The following LOXHD1 variants were observed in gnomAD, a reference collection of about 807,000 sequenced individuals.
LOXHD1 encodes the protein lipoxygenase homology PLAT domains 1, also known as lipoxygenase homology domain-containing protein 1.
Under a neutral mutation model 248.2 loss-of-function variants are expected in LOXHD1, and 205 were observed. The ratio of observed to expected loss-of-function variants is 0.83; its 90% confidence interval spans 0.74 to 0.93. The LOEUF is 0.93. Among genes scored for constraint, LOXHD1 ranks in the 40% least tolerant of loss-of-function variants. The pLI, the probability that LOXHD1 is intolerant of heterozygous loss-of-function variation, is 0.00. For missense variants in LOXHD1, 2,930 were observed against 2,971.6 expected (o/e 0.99, Z 0.33); for synonymous variants, 1,113 against 1,162.8 (o/e 0.96, Z 0.87).
At chr18:46,542,959 C>A in intron 23 of LOXHD1, 104 bp from the exon 24 acceptor site, 1 of 1,472,568 alleles carries the variant, frequency 6.8e-7, no homozygotes, top group South Asian at 1.3e-5. Flanking sequence ...AATTTCTGAA[C>A]TTCCACCAAA....
chr18:46,580,038 A>T (rs1459128167), intron 12 of LOXHD1, among the ~76,000 whole-genome samples: 2 of 152,246 alleles, frequency 1.3e-5, no homozygotes, highest in African/African-American at 4.8e-5. Flanking sequence ...ATCAAATGAG[A>T]CAGACCAGAG....
At chr18:46,613,821 A>G (rs962201715) in intron 5 of LOXHD1, among the ~76,000 whole-genome samples, 19 of 152,230 alleles carry the variant, frequency 1.2e-4, no homozygotes, top group African/African-American at 4.3e-4. Flanking sequence ...TTACTATAAT[A>G]AATTATACAA....
rs1439378227 is a variant in LOXHD1 at position 46,577,878 on chromosome 18, GA to G, written c.1810-12del. 3 of 1,551,314 alleles carry G rather than the reference GA, an allele frequency of 1.9e-6. No individual in the cohort carries two copies. Among genetic ancestry groups the G allele is most frequent in the African/African-American group, 1.4e-5 (1 of 73,082 alleles). On this transcript the variant is annotated splice_polypyrimidine_tract_variant and intron_variant, in intron 13 of 40. Coordinates refer to ENST00000642948, the MANE Select transcript of LOXHD1 (RefSeq NM_001384474.1). Reference sequence around the variant, plus strand: ...AGTGAACTCGTCAGCCTTGTGGGGGGAAACCACAAGGCCAGTTAGACAGTGG... The same window carrying G: ...AGTGAACTCGTCAGCCTTGTGGGGGGAACCACAAGGCCAGTTAGACAGTGG...
intron 4 of LOXHD1, among the ~76,000 whole-genome samples, chr18:46,634,635 C>T (rs760007693): frequency 1.4e-4 from 22 of 152,030 alleles, no homozygotes; most frequent in Non-Finnish European, 2.8e-4. Flanking sequence ...TAGGCCTATG[C>T]AAGCATTCCA....
chr18:46,585,620 C>T (rs976697736), intron 12 of LOXHD1, among the ~76,000 whole-genome samples: 3 of 152,162 alleles, frequency 2.0e-5, no homozygotes, highest in African/African-American at 7.2e-5. Flanking sequence ...ACTCCCCAAA[C>T]TGGTCTATAG....
At chr18:46,583,657 G>A (rs1477349243) in intron 12 of LOXHD1, among the ~76,000 whole-genome samples, 1 of 152,040 alleles carries the variant, frequency 6.6e-6, no homozygotes, top group Admixed American at 6.6e-5. Flanking sequence ...TCTTGCTCTA[G>A]TTAGAATGGC....
chr18:46,572,063 A>T (rs2037762355), intron 15 of LOXHD1, 23 bp downstream of exon 15: 7 of 1,548,914 alleles, frequency 4.5e-6, no homozygotes, highest in Non-Finnish European at 5.2e-6. Flanking sequence ...CACACCCAGC[A>T]CCTGGTCATC....
intron 8 of LOXHD1, among the ~76,000 whole-genome samples, chr18:46,595,238 T>A (rs748693042): frequency 3.3e-5 from 5 of 152,198 alleles, no homozygotes; most frequent in African/African-American, 9.6e-5. Context: ...TATTCCCAGG[T>A]AATACTCACC....
intron 40 of LOXHD1, among the ~76,000 whole-genome samples, chr18:46,480,425 C>T (rs1482106267): frequency 6.6e-6 from 1 of 152,146 alleles, no homozygotes; most frequent in Non-Finnish European, 1.5e-5. Context: ...TCCTGTGTCT[C>T]GCTTTTCTCA....
intron 39 of LOXHD1, 88 bp from the exon 40 acceptor site, chr18:46,483,833 G>T: frequency 6.9e-7 from 1 of 1,448,044 alleles, no homozygotes; most frequent in Non-Finnish European, 9.3e-7. Flanking sequence ...ATTCCAAGCA[G>T]TGGGCCAGGG....
At chr18:46,554,984 G>T (rs898831236) in intron 21 of LOXHD1, 2 of 326,288 alleles carry the variant, frequency 6.1e-6, no homozygotes, top group Non-Finnish European at 1.3e-5. Context: ...ATTTGAAAAA[G>T]GCAAGAATAG....
chr18:46,507,416 G>A lies in LOXHD1; in HGVS notation c.5692+122C>T, dbSNP rs1598873309. On this transcript the variant is annotated intron_variant, in intron 36 of 40. Coordinates refer to ENST00000642948, the MANE Select transcript of LOXHD1 (RefSeq NM_001384474.1). ...AGCGACACACTGTGGAGAAAACTTG[G>A]ATTGACTAGATTTTGGAAGGCCTTA... 16 of 1,075,248 alleles carry A rather than the reference G, an allele frequency of 1.5e-5. No homozygotes were observed. The East Asian group carries it at 4.2e-4, about 28-fold the overall frequency. 66.6% of individuals were successfully genotyped at this position (1,075,248 alleles called of 1,614,324 possible). A position where few individuals can be genotyped will look rare whatever the true frequency, so the allele number is the denominator to read the frequency against.
intron 21 of LOXHD1, among the ~76,000 whole-genome samples, chr18:46,551,304 C>A (rs1220321568): frequency 1.3e-5 from 2 of 152,084 alleles, no homozygotes; most frequent in African/African-American, 4.8e-5. Flanking sequence ...GGGGTTTCAC[C>A]GTGTTAGCCA....
chr18:46,623,623 G>A (rs2038698084), intron 4 of LOXHD1, among the ~76,000 whole-genome samples: 1 of 152,238 alleles, frequency 6.6e-6, no homozygotes, highest in African/African-American at 2.4e-5. Context: ...CTGTGGCAGG[G>A]GCACAAGGCT....
At position 46,563,016 on chromosome 18, in the gene LOXHD1, G is replaced by A. The variant is rs1468063715; in HGVS notation, c.2598+49C>T. On this transcript the variant is annotated intron_variant, in intron 18 of 40. Coordinates refer to ENST00000642948, the MANE Select transcript of LOXHD1 (RefSeq NM_001384474.1). ...TTAGTACACCCAGGGAAGCATCTTG[G>A]TGTCCACTGAGCCTGCTGTTGGCAC... The A allele has an allele frequency of 6.6e-6, 10 of 1,511,064 alleles. No homozygotes were observed. In the Admixed American group the frequency reaches 1.8e-4, roughly 27 times the overall value. 93.6% of individuals were successfully genotyped at this position (1,511,064 alleles called of 1,614,324 possible). A position where few individuals can be genotyped will look rare whatever the true frequency, so the allele number is the denominator to read the frequency against.
chr18:46,640,320 A>G (rs1599069566), intron 3 of LOXHD1, among the ~76,000 whole-genome samples: 1 of 152,168 alleles, frequency 6.6e-6, no homozygotes, highest in Non-Finnish European at 1.5e-5. Context: ...CTGGGGCTCA[A>G]CCGCCTCTCC....
chr18:46,529,466 T>C (rs890014652), intron 28 of LOXHD1, 135 bp from the exon 29 acceptor site: 118 of 1,004,230 alleles, frequency 1.2e-4, no homozygotes, highest in Non-Finnish European at 1.6e-4. Context: ...CTTCCTTTTG[T>C]TTGCTCAATT....
At chr18:46,500,831 A>G (rs1031681778) in intron 37 of LOXHD1, among the ~76,000 whole-genome samples, 2 of 152,066 alleles carry the variant, frequency 1.3e-5, no homozygotes, top group Non-Finnish European at 1.5e-5. Context: ...TCTACCTCAC[A>G]TGTGTTCCTT....
chr18:46,485,262 C>A, intron 38 of LOXHD1, 111 bp from the exon 39 acceptor site: 2 of 1,284,292 alleles, frequency 1.6e-6, no homozygotes, highest in Non-Finnish European at 2.1e-6. Context: ...TAGGCTGCAG[C>A]CTGGGGGTGG....
Sources: gnomAD v4.1 joint callset for allele counts (sites outside exome capture counted in the v4.1 genomes callset) on GRCh38, gnomAD v4.1.1 for gene constraint, MANE v1.5 for transcripts, NCBI Gene and HGNC (gene_info 2026-07-23, HGNC 2026-07-21) for gene names.